The following NEGR1 variants were observed in gnomAD, a reference collection of about 807,000 sequenced individuals.
NEGR1 encodes neuronal growth regulator 1, also known as IgLON family member 4.
NEGR1 carries 10 observed loss-of-function variants against 40.9 expected under a neutral mutation model. That is an observed-to-expected ratio of 0.24 (90% CI 0.15 to 0.42). The LOEUF (loss-of-function observed/expected upper bound fraction) is 0.42, where lower values mean the gene tolerates loss of function less well. Among genes scored for constraint, NEGR1 ranks in the 10% least tolerant of loss-of-function variants. The pLI, the probability that NEGR1 is intolerant of heterozygous loss-of-function variation, is 1.00. For synonymous variants in NEGR1, 185 were observed against 166.8 expected (o/e 1.11, Z -0.84); for missense variants, 352 against 438.9 (o/e 0.80, Z 1.77).
intron 6 of NEGR1, among the ~76,000 whole-genome samples, chr1:71,479,394 C>T (rs1646840439): frequency 6.6e-6 from 1 of 151,964 alleles, no homozygotes; most frequent in African/African-American, 2.4e-5. Context: ...AGAAAACCAG[C>T]ATCCCATTTT....
intron 1 of NEGR1, among the ~76,000 whole-genome samples, chr1:72,047,617 T>C (rs900701778): frequency 6.6e-6 from 1 of 151,466 alleles, no homozygotes; most frequent in Non-Finnish European, 1.5e-5. Context: ...TTTCAGAGTT[T>C]TTTTTGAAAG....
intron 4 of NEGR1, among the ~76,000 whole-genome samples, chr1:71,628,424 A>G (rs1650859375): frequency 6.6e-6 from 1 of 152,002 alleles, no homozygotes; most frequent in Non-Finnish European, 1.5e-5. Flanking sequence ...TAGACTTTTT[A>G]AAAATTATAC....
At chr1:71,425,740 T>G (rs1363878646) in intron 6 of NEGR1, among the ~76,000 whole-genome samples, 1 of 152,158 alleles carries the variant, frequency 6.6e-6, no homozygotes, top group Admixed American at 6.6e-5. Context: ...TTTCTAACTC[T>G]TTTGTGGTCA....
intron 3 of NEGR1, among the ~76,000 whole-genome samples, chr1:71,702,167 A>T (rs1470558704): frequency 6.6e-6 from 1 of 152,010 alleles, no homozygotes; most frequent in African/African-American, 2.4e-5. Context: ...ACTCAAAATC[A>T]ATTGTTTCTT....
intron 2 of NEGR1, among the ~76,000 whole-genome samples, chr1:71,918,217 A>G (rs1173431631): frequency 3.5e-5 from 1 of 28,696 alleles, no homozygotes; most frequent in Non-Finnish European, 5.6e-5. Context: ...ACTCTGTCTC[A>G]AAAAAAAAAA....
At chr1:71,409,183 A>G (rs925260146) in intron 6 of NEGR1, among the ~76,000 whole-genome samples, 1 of 152,080 alleles carries the variant, frequency 6.6e-6, no homozygotes, top group Non-Finnish European at 1.5e-5. Flanking sequence ...TATGAAGTCT[A>G]ATTTAAAGCT....
chr1:71,801,058 AC>A (rs1342938179), intron 2 of NEGR1, among the ~76,000 whole-genome samples: 1 of 152,100 alleles, frequency 6.6e-6, no homozygotes, highest in Non-Finnish European at 1.5e-5. Flanking sequence ...ACATTACTTA[AC>A]CCAGTGACAG....
intron 2 of NEGR1, among the ~76,000 whole-genome samples, chr1:71,809,870 C>G (rs544277687): frequency 2.6e-4 from 39 of 152,074 alleles, no homozygotes; most frequent in Admixed American, 3.9e-4. Flanking sequence ...TCTTACCAAC[C>G]TGTGATCCTA....
chr1:72,143,007 T>C (rs1020457552), intron 1 of NEGR1, among the ~76,000 whole-genome samples: 2 of 151,950 alleles, frequency 1.3e-5, no homozygotes, highest in Non-Finnish European at 2.9e-5. Context: ...TTAATGAAAA[T>C]CTGTAGAAAG....
At chr1:71,546,866 G>T (rs1647915439) in intron 6 of NEGR1, among the ~76,000 whole-genome samples, 1 of 151,726 alleles carries the variant, frequency 6.6e-6, no homozygotes, top group East Asian at 2.0e-4. Flanking sequence ...GTTAAGACCT[G>T]CATTATCTAC....
At chr1:72,064,930 C>G (rs1647237143) in intron 1 of NEGR1, among the ~76,000 whole-genome samples, 1 of 151,964 alleles carries the variant, frequency 6.6e-6, no homozygotes, top group Non-Finnish European at 1.5e-5. Flanking sequence ...GTTGCAGTGT[C>G]TCAATTATAA....
rs1460996807 is a variant in NEGR1 at position 71,555,228 on chromosome 1, CT to C, written c.940+37588del. Among the ~76,000 whole-genome samples, 115 of 140,818 alleles carry C rather than the reference CT, an allele frequency of 8.2e-4. 1 individual carries two copies. Among genetic ancestry groups the C allele is most frequent in the Non-Finnish European group, 1.3e-3 (87 of 64,972 alleles). The allele number at this position is 140,818 out of a possible 152,430, so 92.4% of individuals were successfully genotyped here. A position where few individuals can be genotyped will look rare whatever the true frequency, so the allele number is the denominator to read the frequency against. On this transcript the variant is annotated intron_variant, in intron 6 of 6. Coordinates refer to ENST00000357731, the MANE Select transcript of NEGR1 (RefSeq NM_173808.3). ...TTTAGACCGCTAGCCATTCTTAAAG[CT>C]CTGTAGGCAGGTAAGTATTCCTTTC...
At chr1:71,854,052 G>T (rs1659689386) in intron 2 of NEGR1, among the ~76,000 whole-genome samples, 1 of 152,014 alleles carries the variant, frequency 6.6e-6, no homozygotes, top group Admixed American at 6.6e-5. Context: ...TTTTTATTAA[G>T]CATGTTGCAT....
At chr1:71,531,641 A>C (rs1647358129) in intron 6 of NEGR1, among the ~76,000 whole-genome samples, 1 of 151,356 alleles carries the variant, frequency 6.6e-6, no homozygotes, top group South Asian at 2.1e-4. Flanking sequence ...TTGAGAGACT[A>C]ACCCCTGTAA....
chr1:72,231,295 C>A (rs1654355844), intron 1 of NEGR1, among the ~76,000 whole-genome samples: 1 of 152,128 alleles, frequency 6.6e-6, no homozygotes, highest in Non-Finnish European at 1.5e-5. Flanking sequence ...CTCTTTACAA[C>A]CTTTTAAAAG....
At chr1:71,560,460 T>TATATATATATATATATATATATATATATA (rs1198448626) in intron 6 of NEGR1, among the ~76,000 whole-genome samples, 4 of 143,280 alleles carry the variant, frequency 2.8e-5, no homozygotes, top group South Asian at 2.2e-4. Flanking sequence ...TATATATATA[T>TATATATATATATATATATATATATATATA]TTCCAATTAA....
At chr1:71,888,732 G>A (rs1660814030) in intron 2 of NEGR1, among the ~76,000 whole-genome samples, 2 of 85,152 alleles carry the variant, frequency 2.3e-5, no homozygotes, top group Admixed American at 2.4e-4. Flanking sequence ...AAGGAGGCCT[G>A]CCTGCCTCTG....
chr1:72,134,735 T>G (rs2100321512), intron 1 of NEGR1, among the ~76,000 whole-genome samples: 1 of 151,612 alleles, frequency 6.6e-6, no homozygotes, highest in African/African-American at 2.4e-5. Flanking sequence ...ATTTATTTAT[T>G]ATTTATTCAT....
chr1:71,434,549 C>A (rs1393035230), intron 6 of NEGR1, among the ~76,000 whole-genome samples: 1 of 152,052 alleles, frequency 6.6e-6, no homozygotes, highest in Non-Finnish European at 1.5e-5. Flanking sequence ...AAAGTGATTT[C>A]TCGAGGTTCT....
Sources: gnomAD v4.1 joint callset for allele counts (sites outside exome capture counted in the v4.1 genomes callset) on GRCh38, gnomAD v4.1.1 for gene constraint, MANE v1.5 for transcripts, NCBI Gene and HGNC (gene_info 2026-07-23, HGNC 2026-07-21) for gene names.